The following VPS35L variants were observed in gnomAD, a reference collection of about 807,000 sequenced individuals.
VPS35L encodes the protein VPS35 endosomal protein sorting factor like.
A neutral mutation model predicts 133.0 loss-of-function variants in VPS35L; 83 were observed. The observed-to-expected ratio is 0.62, with a 90% CI of 0.52 to 0.75. The LOEUF (loss-of-function observed/expected upper bound fraction) is 0.75, where lower values mean the gene tolerates loss of function less well. Among genes scored for constraint, VPS35L ranks in the 30% least tolerant of loss-of-function variants. The pLI, the probability that VPS35L is intolerant of heterozygous loss-of-function variation, is 0.00. For missense variants in VPS35L, 1,083 were observed against 1,206.8 expected, an observed-to-expected ratio of 0.90 and a Z score of 1.52; for synonymous variants, 423 against 449.9, an observed-to-expected ratio of 0.94 and a Z score of 0.76.
At chr16:19,604,519 G>A (rs988401677) in intron 9 of VPS35L, among the ~76,000 whole-genome samples, 2 of 151,870 alleles carry the variant, frequency 1.3e-5, no homozygotes, top group African/African-American at 4.8e-5. Flanking sequence ...TGATATCATT[G>A]TTTGTTTTCC....
At chr16:19,607,047 A>G (rs1488228649) in intron 9 of VPS35L, among the ~76,000 whole-genome samples, 1 of 152,228 alleles carries the variant, frequency 6.6e-6, no homozygotes, top group Non-Finnish European at 1.5e-5. Flanking sequence ...TGAGAGGTTA[A>G]CAAAGGCCTT....
intron 26 of VPS35L, chr16:19,652,627 G>A (rs549709143): frequency 1.8e-4 from 28 of 154,920 alleles, no homozygotes; most frequent in Admixed American, 4.5e-4. Flanking sequence ...CTTCCTGTAA[G>A]AACCTTCTTA....
chr16:19,697,318 C>T (rs1975950188), intron 29 of VPS35L, among the ~76,000 whole-genome samples: 1 of 152,128 alleles, frequency 6.6e-6, no homozygotes, highest in Non-Finnish European at 1.5e-5. Flanking sequence ...AGCCACCTTG[C>T]CCAACTGCAT....
intron 18 of VPS35L, among the ~76,000 whole-genome samples, chr16:19,632,386 AT>A (rs1228795684): frequency 2.6e-5 from 4 of 152,136 alleles, no homozygotes; most frequent in African/African-American, 4.8e-5. Flanking sequence ...TGCAATAGAC[AT>A]TTTAGGATAC....
intron 14 of VPS35L, among the ~76,000 whole-genome samples, chr16:19,625,878 T>A (rs1049125628): frequency 6.6e-6 from 1 of 152,140 alleles, no homozygotes; most frequent in Non-Finnish European, 1.5e-5. Context: ...TTTACCATGT[T>A]GGCCAGACTA....
rs1490507640 is a variant in VPS35L, at chr16:19,626,167, A to T, written c.1225-10A>T. 5 of 1,553,314 alleles carry T rather than the reference A, an allele frequency of 3.2e-6. No homozygotes were observed. In the Admixed American group the frequency reaches 8.1e-5, roughly 25 times the overall value. On this transcript the variant is annotated splice_polypyrimidine_tract_variant and intron_variant, in intron 14 of 30. Transcript: ENST00000417362. Reference sequence around the variant, plus strand: ...TGATTTTTTAATTATTATTATTTTTAACATAATAGGCTCTGCTGACCGAGA... The same window carrying T: ...TGATTTTTTAATTATTATTATTTTTTACATAATAGGCTCTGCTGACCGAGA...
chr16:19,570,866 TATATATATATATATA>T (rs1410374235), intron 3 of VPS35L, among the ~76,000 whole-genome samples: 6 of 88,078 alleles, frequency 6.8e-5, no homozygotes, highest in African/African-American at 3.5e-4. Context: ...TATATATATA[TATATATATATATATA>T]TATATATATT....
intron 5 of VPS35L, chr16:19,578,283 T>G (rs1400038627): frequency 2.2e-6 from 1 of 450,536 alleles, no homozygotes; most frequent in South Asian, 1.6e-5. Flanking sequence ...TTCTTTCTTT[T>G]TTCTTTTTTT....
At chr16:19,658,502 C>T (rs1974375977) in intron 26 of VPS35L, among the ~76,000 whole-genome samples, 1 of 152,106 alleles carries the variant, frequency 6.6e-6, no homozygotes, top group South Asian at 2.1e-4. Flanking sequence ...TGTCTCCAGC[C>T]TGGGCAACAG....
chr16:19,693,776 T>C (rs941719002), intron 29 of VPS35L, among the ~76,000 whole-genome samples: 13 of 148,750 alleles, frequency 8.7e-5, no homozygotes, highest in Non-Finnish European at 1.9e-4. Context: ...AGAGTGAGAC[T>C]CCATCTCAGA....
intron 5 of VPS35L, 81 bp from the exon 6 acceptor site, chr16:19,578,971 G>A (rs761018789): frequency 2.7e-5 from 30 of 1,107,388 alleles, no homozygotes; most frequent in Non-Finnish European, 4.0e-5. Context: ...TCACGATGAA[G>A]TGTAGAGTGA....
chr16:19,593,618 A>G (rs1052771794), intron 8 of VPS35L, among the ~76,000 whole-genome samples: 1 of 152,244 alleles, frequency 6.6e-6, no homozygotes, highest in African/African-American at 2.4e-5. Flanking sequence ...AGTGTCATTA[A>G]GACCTTGCCC....
At chr16:19,691,119 A>G (rs914182135) in intron 28 of VPS35L, among the ~76,000 whole-genome samples, 3 of 152,206 alleles carry the variant, frequency 2.0e-5, no homozygotes, top group African/African-American at 7.2e-5. Context: ...CCACGCACAC[A>G]TGGGCTAGAG....
intron 27 of VPS35L, among the ~76,000 whole-genome samples, chr16:19,669,658 T>C (rs1974810535): frequency 1.5e-5 from 2 of 133,478 alleles, no homozygotes; most frequent in South Asian, 2.3e-4. Flanking sequence ...CCATCTTCTC[T>C]CTCTTTCTGT....
rs959118332 is a variant in VPS35L, at chr16:19,699,066, C to T, written c.2647-436C>T. On this transcript the variant is annotated intron_variant, in intron 29 of 30. Coordinates refer to ENST00000417362, the MANE Select transcript of VPS35L (RefSeq NM_020314.7). This position sits in a 1 kb window ranked among gnomAD's most constrained non-coding sequence, Gnocchi z 4.2. ...GGAGATGTGTTTTGGTCTTTATTAC[C>T]GGCAGCCCAGGGGCAGGAATACTGA... 1.3e-5 allele frequency among the ~76,000 whole-genome samples: 2 copies of T among 152,118 alleles called. No homozygotes were observed. The highest frequency in any genetic ancestry group is 2.1e-4 in the South Asian group (1 of 4,828).
At chr16:19,573,054 T>C in intron 3 of VPS35L, 65 bp from the exon 4 acceptor site, 1 of 1,503,974 alleles carries the variant, frequency 6.6e-7, no homozygotes. Context: ...CTTCTATTTA[T>C]ATATGTATAT....
intron 1 of VPS35L, among the ~76,000 whole-genome samples, chr16:19,559,038 G>T (rs1456604459): frequency 6.6e-6 from 1 of 152,046 alleles, no homozygotes; most frequent in South Asian, 2.1e-4. Context: ...AGAAAAAGCT[G>T]TGTGGTCCGA....
In VPS35L at chr16:19,633,140, C is replaced by G; in HGVS notation, c.1603C>G (p.Pro535Ala). 6.2e-7 allele frequency: 1 copy of G among 1,614,164 alleles called. No individual in the cohort carries two copies. Among genetic ancestry groups the G allele is most frequent in the Non-Finnish European group, 8.5e-7 (1 of 1,180,014 alleles). Residue 535 changes from proline (P) to alanine (A), a missense_variant, in exon 19 of 31, where the codon CCA becomes GCA. Physicochemically the swap from Pro to Ala is conservative, Grantham distance 27 (BLOSUM62 -1). Coordinates refer to ENST00000417362, the MANE Select transcript of VPS35L (RefSeq NM_020314.7). The surrounding 1 kb of genome is among the most constrained non-coding windows in gnomAD (Gnocchi z 4.1). The stretch of plus-strand genomic sequence containing the variant: ...GGCAGATGTCATCAAGCACATGACT[C>G]CAGATCGTGCATTTGAAGATTCCTA... ...VLADVIKHMT[P>A]DRAFEDSYPQ...
chr16:19,679,892 A>T (rs372996017), intron 27 of VPS35L, among the ~76,000 whole-genome samples: 5 of 152,240 alleles, frequency 3.3e-5, no homozygotes, highest in Non-Finnish European at 7.3e-5. Context: ...ACTTGAAAGT[A>T]TGACTGCAAT....
Sources: gnomAD v4.1 joint callset for allele counts (sites outside exome capture counted in the v4.1 genomes callset) on GRCh38, gnomAD v4.1.1 for gene constraint, Gnocchi (gnomAD v3.1) non-coding constraint, MANE v1.5 for transcripts, NCBI Gene and HGNC (gene_info 2026-07-23, HGNC 2026-07-21) for gene names.